RBFOX1: variants seen among roughly 807,000 people sequenced by gnomAD.
The protein encoded by RBFOX1 is RNA binding fox-1 homolog 1, also known as RNA binding protein fox-1 homolog 1.
RBFOX1 carries 8 observed loss-of-function variants against 57.7 expected under a neutral mutation model. The ratio of observed to expected loss-of-function variants is 0.14; its 90% CI spans 0.08 to 0.25. The LOEUF (loss-of-function observed/expected upper bound fraction) is 0.25, where lower values mean the gene tolerates loss of function less well. RBFOX1 is among the 10% of genes least tolerant of loss of function. The probability of loss-of-function intolerance (pLI) is 1.00; values close to 1 mark genes in which losing one functional copy is unlikely to be tolerated. For missense variants in RBFOX1, 611 were observed against 548.5 expected, an observed-to-expected ratio of 1.11 and a Z score of -1.14; for synonymous variants, 326 against 222.4, an observed-to-expected ratio of 1.47 and a Z score of -4.15.
chr16:5,440,334 C>G (rs1458690578), intron 1 of RBFOX1, among the ~76,000 whole-genome samples: 1 of 152,074 alleles, frequency 6.6e-6, no homozygotes, highest in Non-Finnish European at 1.5e-5. Flanking sequence ...TCAACTTTGA[C>G]TAGAAAGAAT....
intron 2 of RBFOX1, among the ~76,000 whole-genome samples, chr16:5,480,886 C>T (rs1475215700): frequency 6.6e-6 from 1 of 152,194 alleles, no homozygotes; most frequent in Non-Finnish European, 1.5e-5. Flanking sequence ...AGCAATATTT[C>T]ACTGAAACGT....
At chr16:5,833,800 C>A (rs571064903) in intron 3 of RBFOX1, among the ~76,000 whole-genome samples, 20 of 152,068 alleles carry the variant, frequency 1.3e-4, no homozygotes, top group Non-Finnish European at 2.5e-4. Context: ...TTTCTTTAGC[C>A]CAGGCCCTGT....
intron 3 of RBFOX1, among the ~76,000 whole-genome samples, chr16:6,897,227 G>T (rs969945832): frequency 6.6e-6 from 1 of 152,162 alleles, no homozygotes; most frequent in Admixed American, 6.5e-5. Flanking sequence ...TTCTAAGATA[G>T]AGTAGAAAAT....
At chr16:5,981,237 A>G (rs74569101) in intron 4 of RBFOX1, among the ~76,000 whole-genome samples, 3,409 of 152,294 alleles carry the variant, frequency 0.022, 97 homozygotes, top group East Asian at 0.081. Context: ...TCAACAGGAA[A>G]GACAGGGATT....
At chr16:5,533,950 G>C (rs1218846854) in intron 2 of RBFOX1, among the ~76,000 whole-genome samples, 1 of 152,154 alleles carries the variant, frequency 6.6e-6, no homozygotes, top group Non-Finnish European at 1.5e-5. Flanking sequence ...AGGAATTGTT[G>C]AGACAGTGAT....
intron 3 of RBFOX1, among the ~76,000 whole-genome samples, chr16:6,959,765 C>T (rs910393605): frequency 6.6e-6 from 1 of 152,044 alleles, no homozygotes; most frequent in Non-Finnish European, 1.5e-5. Flanking sequence ...GGTGAAACCC[C>T]GTTTCTACCA....
intron 3 of RBFOX1, among the ~76,000 whole-genome samples, chr16:6,676,015 A>G (rs1196146975): frequency 6.6e-6 from 1 of 152,092 alleles, no homozygotes; most frequent in Non-Finnish European, 1.5e-5. Flanking sequence ...GAGGTTCTCA[A>G]AAGGAAAAGA....
At chr16:6,903,245 C>G (rs1014140180) in intron 3 of RBFOX1, among the ~76,000 whole-genome samples, 1 of 152,142 alleles carries the variant, frequency 6.6e-6, no homozygotes, top group South Asian at 2.1e-4. Flanking sequence ...ATTTAGAGGC[C>G]ATTGTAGCTG....
intron 4 of RBFOX1, among the ~76,000 whole-genome samples, chr16:7,071,415 C>T (rs1351238407): frequency 6.6e-6 from 1 of 152,038 alleles, no homozygotes; most frequent in Non-Finnish European, 1.5e-5. Context: ...TCCTAGCCTC[C>T]TAGCTGCAGG....
chr16:6,915,900 G>A (rs567834690), intron 3 of RBFOX1, among the ~76,000 whole-genome samples: 2 of 152,118 alleles, frequency 1.3e-5, no homozygotes, highest in Non-Finnish European at 2.9e-5. Flanking sequence ...GACATGTTCC[G>A]TGAAAGGGCC....
In RBFOX1 at chr16:5,655,228, G is replaced by A. The variant is rs565485890; in HGVS notation, c.318+56267G>A. Among the ~76,000 whole-genome samples the A allele has an allele frequency of 8.5e-5, 13 of 152,320 alleles. No individual in the cohort carries two copies. In the South Asian group the frequency reaches 2.1e-3, roughly 24 times the overall value. ...AGAATCTACTGTGGAAATCAGGCTT[G>A]TGATAATATGTGAGGAGAAGGACTG... On this transcript the variant is annotated intron_variant, in intron 3 of 19. Coordinates refer to the RBFOX1 transcript ENST00000641259.
At chr16:6,908,637 C>T (rs963166888) in intron 3 of RBFOX1, among the ~76,000 whole-genome samples, 8 of 152,172 alleles carry the variant, frequency 5.3e-5, no homozygotes, top group African/African-American at 1.2e-4. Flanking sequence ...GAATCCTATC[C>T]TATTTCTTCC....
intron 1 of RBFOX1, among the ~76,000 whole-genome samples, chr16:5,379,805 T>G (rs745436838): frequency 2.0e-5 from 3 of 152,208 alleles, no homozygotes; most frequent in African/African-American, 4.8e-5. Flanking sequence ...CTTTATAGAT[T>G]AGTGGTCTGG....
At chr16:7,677,243 G>A (rs1296603381) in intron 14 of RBFOX1, among the ~76,000 whole-genome samples, 1 of 151,580 alleles carries the variant, frequency 6.6e-6, no homozygotes, top group Non-Finnish European at 1.5e-5. Flanking sequence ...GATCCTACAA[G>A]GTTTACTTCA....
intron 4 of RBFOX1, among the ~76,000 whole-genome samples, chr16:7,516,666 T>C (rs2076424901): frequency 6.6e-6 from 1 of 152,194 alleles, no homozygotes; most frequent in South Asian, 2.1e-4. Flanking sequence ...GGCACAGACA[T>C]TTGGCGAAAT....
chr16:5,781,588 C>T lies in RBFOX1; in HGVS notation c.319-85715C>T, dbSNP rs193038359. On this transcript the variant is annotated intron_variant, in intron 3 of 19. Transcript: ENST00000641259. The stretch of plus-strand genomic sequence containing the variant: ...TGGGCTTCATTGGCCATACGGACTC[C>T]GCCGCAACCATCAACTGTCTTATAG... Among the ~76,000 whole-genome samples, 268 of 152,320 alleles carry T rather than the reference C, an allele frequency of 1.8e-3. 1 individual carries two copies. Among genetic ancestry groups the T allele is most frequent in the African/African-American group, 5.7e-3 (239 of 41,572 alleles).
intron 4 of RBFOX1, among the ~76,000 whole-genome samples, chr16:7,102,763 A>G (rs1449297228): frequency 1.3e-5 from 2 of 152,212 alleles, no homozygotes; most frequent in African/African-American, 2.4e-5. Flanking sequence ...TTTACTAAGA[A>G]TGAAGTATCA....
chr16:6,794,946 G>C (rs979993828), intron 3 of RBFOX1, among the ~76,000 whole-genome samples: 18 of 152,194 alleles, frequency 1.2e-4, no homozygotes, highest in African/African-American at 4.3e-4. Flanking sequence ...CAAATATTGA[G>C]TAATTTTCCC....
At chr16:6,901,967 T>C (rs74008433) in intron 3 of RBFOX1, among the ~76,000 whole-genome samples, 3,865 of 152,252 alleles carry the variant, frequency 0.025, 147 homozygotes, top group African/African-American at 0.087. Flanking sequence ...TTCAGAAATA[T>C]TGCGTTACAG....
Sources: gnomAD v4.1 joint callset for allele counts (sites outside exome capture counted in the v4.1 genomes callset) on GRCh38, gnomAD v4.1.1 for gene constraint, MANE v1.5 for transcripts, NCBI Gene and HGNC (gene_info 2026-07-23, HGNC 2026-07-21) for gene names.